The following DPP3 variants were observed in gnomAD, a reference collection of about 807,000 sequenced individuals.
DPP3 encodes dipeptidyl peptidase 3.
A neutral mutation model predicts 89.8 loss-of-function variants in DPP3; 64 were observed. The ratio of observed to expected loss-of-function variants is 0.71; its 90% CI spans 0.58 to 0.88. The LOEUF is 0.88. Among genes scored for constraint, DPP3 ranks in the 40% least tolerant of loss-of-function variants. The pLI, the probability that DPP3 is intolerant of heterozygous loss-of-function variation, is 0.00. For missense variants in DPP3, 835 were observed against 972.5 expected (o/e 0.86, Z 1.88); for synonymous variants, 377 against 404.3 (o/e 0.93, Z 0.81).
intron 16 of DPP3, among the ~76,000 whole-genome samples, chr11:66,500,789 C>T (rs149538195): frequency 1.8e-3 from 269 of 152,344 alleles, no homozygotes; most frequent in African/African-American, 6.0e-3. Flanking sequence ...GGCGCACTGG[C>T]TCACGCCTGT....
intron 16 of DPP3, among the ~76,000 whole-genome samples, chr11:66,501,604 C>A (rs1160347235): frequency 6.6e-6 from 1 of 151,816 alleles, no homozygotes; most frequent in Non-Finnish European, 1.5e-5. Context: ...GCGGGAGGAT[C>A]ACCTGAGGTC....
chr11:66,494,265 AGAT>A (rs1444437879), intron 12 of DPP3, among the ~76,000 whole-genome samples: 2 of 152,140 alleles, frequency 1.3e-5, no homozygotes, highest in Non-Finnish European at 2.9e-5. Context: ...CCCAGCATGA[AGAT>A]GACCAGAAAT....
chr11:66,488,046 G>C (rs1855282814), intron 6 of DPP3, 39 bp downstream of exon 6: 1 of 1,590,058 alleles, frequency 6.3e-7, no homozygotes, highest in African/African-American at 1.3e-5. Flanking sequence ...CTCCCTCCTG[G>C]GCATTTCCGG....
intron 6 of DPP3, among the ~76,000 whole-genome samples, chr11:66,490,767 G>A (rs1336103378): frequency 7.2e-6 from 1 of 138,090 alleles, no homozygotes; most frequent in African/African-American, 2.6e-5. Context: ...TGTTTTTTTT[G>A]TTTTGTTTTT....
chr11:66,481,065 C>G (rs1226014597), intron 1 of DPP3: 1 of 152,218 alleles, frequency 6.6e-6, no homozygotes, highest in African/African-American at 2.4e-5. Context: ...GAGGAGGAAA[C>G]GGAGGTACAG....
chr11:66,498,138 G>T (rs924063252), intron 16 of DPP3, among the ~76,000 whole-genome samples: 1 of 151,198 alleles, frequency 6.6e-6, no homozygotes, highest in Non-Finnish European at 1.5e-5. Context: ...CTGTCGCCCA[G>T]GCTGGAGTGC....
Position 66,509,433 on chromosome 11 carries a change from T to G in DPP3, c.*182T>G, listed in dbSNP as rs557942878. ...CAGCACTTTCCAGCCTGCCAATTGCTTCCCCTCTGTGATCTCATTTCATCT... is the reference window on the plus strand; with the variant it reads ...CAGCACTTTCCAGCCTGCCAATTGCGTCCCCTCTGTGATCTCATTTCATCT... On this transcript the variant is annotated 3_prime_UTR_variant, in exon 18 of 18. Coordinates refer to ENST00000531863, the MANE Select transcript of DPP3 (RefSeq NM_130443.4). The G allele has an allele frequency of 2.7e-5, 42 of 1,529,602 alleles. No individual in the cohort carries two copies. In the East Asian group the frequency reaches 9.3e-4, roughly 34 times the overall value. The allele number at this position is 1,529,602 out of a possible 1,614,324, so 94.8% of individuals were successfully genotyped here.
At chr11:66,502,082 A>T (rs1855690971) in intron 16 of DPP3, among the ~76,000 whole-genome samples, 1 of 151,884 alleles carries the variant, frequency 6.6e-6, no homozygotes, top group African/African-American at 2.4e-5. Context: ...AGTCCCAGCT[A>T]CTCAGGAGGC....
intron 9 of DPP3, chr11:66,492,310 C>G (rs1855414856): frequency 5.3e-6 from 1 of 189,244 alleles, no homozygotes; most frequent in Non-Finnish European, 1.1e-5. Flanking sequence ...AGGGGACCCA[C>G]CTGTGCAAGG....
intron 16 of DPP3, among the ~76,000 whole-genome samples, chr11:66,498,671 T>TA (rs1855603832): frequency 6.6e-6 from 1 of 152,198 alleles, no homozygotes; most frequent in Non-Finnish European, 1.5e-5. Flanking sequence ...AGCCATAAGA[T>TA]ATATGGCTGA....
At chr11:66,488,059 C>G (rs767910275) in intron 6 of DPP3, 52 bp downstream of exon 6, 3 of 1,554,804 alleles carry the variant, frequency 1.9e-6, no homozygotes, top group Non-Finnish European at 2.6e-6. Context: ...ATTTCCGGAC[C>G]TGGGTGGCTC....
Position 66,491,707 on chromosome 11 carries a change from G to A in DPP3, c.939G>A (p.Gly313=), listed in dbSNP as rs201667477. The A allele has an allele frequency of 5.0e-6, 8 of 1,613,354 alleles. No homozygotes were observed. The highest frequency in any genetic ancestry group is 5.9e-6 in the Non-Finnish European group (7 of 1,179,792). The change falls in exon 9 of 18, where the codon GGG becomes GGA. Residue 313 remains glycine (G), a synonymous_variant. Coordinates refer to ENST00000531863, the MANE Select transcript of DPP3 (RefSeq NM_130443.4). ...CCCTTCTCTCCCCCAGTTACATCGGGTTCATCGAGAGCTACCGCGACCCCT... is the reference window on the plus strand; with the variant it reads ...CCCTTCTCTCCCCCAGTTACATCGGATTCATCGAGAGCTACCGCGACCCCT... ...DKGPIVESYI[G]FIESYRDPFG... is the part of the protein sequence containing the mutation.
Position 66,495,246 on chromosome 11 carries a change from T to G in DPP3, c.1430T>G (p.Ile477Ser). The G allele has an allele frequency of 6.2e-7, 1 of 1,612,812 alleles. No individual in the cohort carries two copies. Among genetic ancestry groups the G allele is most frequent in the South Asian group, 1.1e-5 (1 of 91,022 alleles). ...GAFNFDQETV[I>S]NPETGEQIQS... ...TTCAACTTTGACCAGGAAACAGTGATCAACCCAGAGACGGGCGAGCAGGTG... is the reference window on the plus strand; with the variant it reads ...TTCAACTTTGACCAGGAAACAGTGAGCAACCCAGAGACGGGCGAGCAGGTG... Residue 477 changes from isoleucine (I) to serine (S), a missense_variant, in exon 13 of 18, where the codon ATC (isoleucine) becomes AGC (serine). Physicochemically the swap from Ile to Ser is moderately radical, Grantham distance 142. Transcript: ENST00000531863.
At chr11:66,480,768 G>C (rs1252471623) in intron 1 of DPP3, 1 of 328,664 alleles carries the variant, frequency 3.0e-6, no homozygotes, top group Non-Finnish European at 5.5e-6. Flanking sequence ...GGGAATCCCC[G>C]GGTTCCAACG....
In DPP3 at chr11:66,495,452, G is replaced by C. The variant is rs765388860; in HGVS notation, c.1540G>C (p.Val514Leu). ...SSYEECRAES[V>L]GLYLCLHPQV... Reference sequence around the variant, plus strand: ...CTACGAAGAGTGCCGGGCTGAGAGCGTGGGTCTCTACCTCTGTCTCCACCC... The same window carrying C: ...CTACGAAGAGTGCCGGGCTGAGAGCCTGGGTCTCTACCTCTGTCTCCACCC... The change falls in exon 14 of 18, where the codon GTG becomes CTG. Residue 514 changes from valine to leucine, a missense_variant. Val to Leu is a conservative substitution (Grantham distance 32). Coordinates refer to ENST00000531863, the MANE Select transcript of DPP3 (RefSeq NM_130443.4). 6.2e-7 allele frequency: 1 copy of C among 1,612,252 alleles called. No individual in the cohort carries two copies. Among genetic ancestry groups the C allele is most frequent in the South Asian group, 1.1e-5 (1 of 90,892 alleles).
intron 16 of DPP3, among the ~76,000 whole-genome samples, chr11:66,497,919 TTTTATTTATTTATTTGTTTG>T (rs929391506): frequency 5.3e-5 from 8 of 151,850 alleles, no homozygotes; most frequent in Non-Finnish European, 8.8e-5. Context: ...TAAGGACATC[TTTTATTTATTTATTTGTTTG>T]TTTATTTATT....
chr11:66,493,112 G>A lies in DPP3; in HGVS notation c.1229G>A (p.Gly410Glu), dbSNP rs1855439376. ...QTEGFKNVSL[G>E]NVLAVAYATQ... ...GAAGGCTTTAAGAACGTGTCGCTGG[G>A]GAATGTGCTGGCTGTGGCCTACGCC... is the stretch of plus-strand genomic sequence containing the variant. The change falls in exon 11 of 18, where the codon GGG (glycine) becomes GAG (glutamate). Residue 410 changes from glycine (G) to glutamate (E), a missense_variant. By Grantham distance (98) the Gly-to-Glu change is moderately conservative. Transcript: ENST00000531863. 1.2e-6 allele frequency: 2 copies of A among 1,614,162 alleles called. No individual in the cohort carries two copies. The highest frequency in any genetic ancestry group is 1.7e-6 in the Non-Finnish European group (2 of 1,180,048).
chr11:66,507,250 A>G (rs1231846035), intron 17 of DPP3, among the ~76,000 whole-genome samples: 1 of 151,888 alleles, frequency 6.6e-6, no homozygotes, highest in Non-Finnish European at 1.5e-5. Context: ...GGTGGATCAC[A>G]AGGTCAGGAG....
intron 1 of DPP3, 112 bp downstream of exon 1, chr11:66,480,577 C>T: frequency 1.6e-6 from 2 of 1,252,594 alleles, no homozygotes; most frequent in Non-Finnish European, 2.1e-6. Flanking sequence ...CCAGTACCCC[C>T]TCCAAATTCA....
Sources: gnomAD v4.1 joint callset for allele counts (sites outside exome capture counted in the v4.1 genomes callset) on GRCh38, gnomAD v4.1.1 for gene constraint, MANE v1.5 for transcripts, NCBI Gene and HGNC (gene_info 2026-07-23, HGNC 2026-07-21) for gene names.